Variants in TACR3 observed in about 807,000 individuals in gnomAD.
TACR3 encodes neuromedin-K receptor.
In TACR3, 34 loss-of-function variants were observed where a neutral mutation model predicts 35.0. The observed-to-expected ratio is 0.97, with a 90% confidence interval of 0.74 to 1.30. The LOEUF (loss-of-function observed/expected upper bound fraction) is 1.30, where lower values mean the gene tolerates loss of function less well. Among genes scored for constraint, TACR3 ranks in the 50% most tolerant of loss-of-function variants. The pLI is 0.00. For synonymous variants in TACR3, 233 were observed against 221.1 expected (o/e 1.05, Z -0.48); for missense variants, 558 against 591.7 (o/e 0.94, Z 0.59).
chr4:103,601,787 A>G (rs1405943858), intron 3 of TACR3, among the ~76,000 whole-genome samples: 1 of 152,110 alleles, frequency 6.6e-6, no homozygotes, highest in Non-Finnish European at 1.5e-5. Flanking sequence ...CTTTGTGGGT[A>G]ACCTGACCTT....
chr4:103,611,654 C>CTTT (rs36108507), intron 3 of TACR3, among the ~76,000 whole-genome samples: 1 of 151,624 alleles, frequency 6.6e-6, no homozygotes, highest in African/African-American at 2.4e-5. Context: ...CAAGCATTTC[C>CTTT]TTTTTTTTAA....
At chr4:103,661,579 C>T (rs1445205047) in intron 1 of TACR3, among the ~76,000 whole-genome samples, 1 of 152,138 alleles carries the variant, frequency 6.6e-6, no homozygotes, top group Non-Finnish European at 1.5e-5. Flanking sequence ...CTGTACAACT[C>T]CTGTAGCACA....
intron 2 of TACR3, among the ~76,000 whole-genome samples, chr4:103,657,337 A>G (rs1725752015): frequency 6.6e-6 from 1 of 152,088 alleles, no homozygotes; most frequent in East Asian, 1.9e-4. Flanking sequence ...CAGTCAACAA[A>G]TAATTTGAAG....
chr4:103,620,329 G>T (rs987673147), intron 3 of TACR3, among the ~76,000 whole-genome samples: 1 of 152,182 alleles, frequency 6.6e-6, no homozygotes, highest in Non-Finnish European at 1.5e-5. Context: ...TAGCATGACC[G>T]CTATGGAAAT....
At chr4:103,711,453 C>T (rs761664837) in intron 1 of TACR3, among the ~76,000 whole-genome samples, 4 of 152,112 alleles carry the variant, frequency 2.6e-5, no homozygotes, top group Non-Finnish European at 5.9e-5. Context: ...ACACTTCATG[C>T]TAAGAACTCT....
intron 3 of TACR3, among the ~76,000 whole-genome samples, chr4:103,620,663 C>T (rs1724754922): frequency 6.6e-6 from 1 of 152,020 alleles, no homozygotes; most frequent in African/African-American, 2.4e-5. Flanking sequence ...CCAAATACCA[C>T]ATGTTCTTGC....
chr4:103,719,606 G>C lies in TACR3; in HGVS notation c.70C>G (p.Leu24Val), dbSNP rs1412684483. 1 of 1,613,574 alleles carries C rather than the reference G, an allele frequency of 6.2e-7. No homozygotes were observed. Among genetic ancestry groups the C allele is most frequent in the Non-Finnish European group, 8.5e-7 (1 of 1,179,810 alleles). Residue 24 changes from leucine (L) to valine (V), a missense_variant, in exon 1 of 5, where the codon CTG becomes GTG. Coordinates refer to ENST00000304883, the MANE Select transcript of TACR3 (RefSeq NM_001059.3). ...GCCCCGGCAGCTAGCGAGGCGGTCA[G>C]GTTCACGGCGTCTGCACCCACGCCT... The part of the protein sequence containing the change: ...GGGVGADAVN[L>V]TASLAAGAAT...
At chr4:103,594,919 C>CTGTT (rs78633450) in intron 3 of TACR3, among the ~76,000 whole-genome samples, 77,266 of 151,714 alleles carry the variant, frequency 0.51, 22,988 homozygotes, top group Non-Finnish European at 0.64. Flanking sequence ...CTATATAATA[C>CTGTT]TGTTACCTTG....
At chr4:103,650,047 G>T (rs76188521) in intron 3 of TACR3, among the ~76,000 whole-genome samples, 3,733 of 152,066 alleles carry the variant, frequency 0.025, 192 homozygotes, top group East Asian at 0.2. Flanking sequence ...TCTGCATTAG[G>T]GGGTACCACA....
At chr4:103,707,249 AC>A (rs1560539732) in intron 1 of TACR3, among the ~76,000 whole-genome samples, 1 of 152,198 alleles carries the variant, frequency 6.6e-6, no homozygotes, top group Non-Finnish European at 1.5e-5. Flanking sequence ...GAGAGTGTAA[AC>A]AATATTACTA....
At chr4:103,712,671 A>G (rs1272319208) in intron 1 of TACR3, among the ~76,000 whole-genome samples, 3 of 152,188 alleles carry the variant, frequency 2.0e-5, no homozygotes, top group Non-Finnish European at 2.9e-5. Flanking sequence ...AGAAACTACC[A>G]TCAGAGTGAA....
At chr4:103,614,761 T>G (rs1414259243) in intron 3 of TACR3, among the ~76,000 whole-genome samples, 4 of 152,016 alleles carry the variant, frequency 2.6e-5, no homozygotes, top group Admixed American at 1.3e-4. Flanking sequence ...TACTCTGGGC[T>G]TGATATTCAT....
Position 103,587,549 on chromosome 4 carries a change from G to A in TACR3, c.*2133C>T, listed in dbSNP as rs1290415870. ...CTACTGAATTTCTCTAATATGTGAG[G>A]GCCAGGAGTTATATTTTTCAAATGT... On this transcript the variant is annotated 3_prime_UTR_variant, in exon 5 of 5. Coordinates refer to ENST00000304883, the MANE Select transcript of TACR3 (RefSeq NM_001059.3). The A allele has an allele frequency of 1.3e-5, 2 of 151,918 alleles. No homozygotes were observed. Among genetic ancestry groups the A allele is most frequent in the Non-Finnish European group, 2.9e-5 (2 of 67,954 alleles). 9.4% of individuals were successfully genotyped at this position (151,918 alleles called of 1,614,324 possible).
At position 103,589,970 on chromosome 4, in the gene TACR3, T is replaced by G. The variant is rs1348535339; in HGVS notation, c.1110A>C (p.Ala370=). 6.2e-7 allele frequency: 1 copy of G among 1,613,688 alleles called. No individual in the cohort carries two copies. The highest frequency in any genetic ancestry group is 1.3e-5 in the African/African-American group (1 of 74,920). Residue 370 remains alanine (A), a synonymous_variant, in exon 5 of 5, where the codon GCA becomes GCC. Transcript: ENST00000304883. ...NKRFRAGFKR[A]FRWCPFIKVS... Reference sequence around the variant, plus strand: ...CTTTGATGAAAGGACACCAGCGAAATGCTCTCTTGAAGCCAGCTCGAAATC... The same window carrying G: ...CTTTGATGAAAGGACACCAGCGAAAGGCTCTCTTGAAGCCAGCTCGAAATC...
At chr4:103,713,129 A>G (rs1251783432) in intron 1 of TACR3, among the ~76,000 whole-genome samples, 2 of 152,194 alleles carry the variant, frequency 1.3e-5, no homozygotes, top group Admixed American at 6.5e-5. Context: ...TACTGGGTAT[A>G]TACCCAAAGG....
At chr4:103,718,063 T>G (rs1314508007) in intron 1 of TACR3, among the ~76,000 whole-genome samples, 1 of 152,238 alleles carries the variant, frequency 6.6e-6, no homozygotes, top group Non-Finnish European at 1.5e-5. Context: ...GCTCAGTATT[T>G]CAAAATAGTA....
chr4:103,605,118 A>G (rs1186585139), intron 3 of TACR3, among the ~76,000 whole-genome samples: 6 of 150,206 alleles, frequency 4.0e-5, no homozygotes, highest in Non-Finnish European at 7.4e-5. Context: ...GAGAATGATG[A>G]TTTCCAATTT....
intron 1 of TACR3, among the ~76,000 whole-genome samples, chr4:103,658,718 C>T (rs1367444251): frequency 3.9e-5 from 6 of 152,218 alleles, no homozygotes; most frequent in South Asian, 2.1e-4. Context: ...TGTAAGTCAG[C>T]GGTGCCCAGC....
At chr4:103,639,177 C>T (rs549515184) in intron 3 of TACR3, among the ~76,000 whole-genome samples, 1 of 152,234 alleles carries the variant, frequency 6.6e-6, no homozygotes, top group South Asian at 2.1e-4. Context: ...ATAGCAAAGA[C>T]TTGGAACTAA....
Sources: gnomAD v4.1 joint callset for allele counts (sites outside exome capture counted in the v4.1 genomes callset) on GRCh38, gnomAD v4.1.1 for gene constraint, MANE v1.5 for transcripts, NCBI Gene and HGNC (gene_info 2026-07-23, HGNC 2026-07-21) for gene names.